Variants in KRTAP4-11 observed in about 807,000 individuals in gnomAD.
KRTAP4-11 encodes keratin-associated protein 4-11.
A neutral mutation model predicts 3.4 loss-of-function variants in KRTAP4-11; 3 were observed. The observed-to-expected ratio is 0.87, with a 90% CI of 0.40 to 2.26. The LOEUF (loss-of-function observed/expected upper bound fraction) is 2.26. Among genes scored for constraint, KRTAP4-11 ranks in the 30% most tolerant of loss-of-function variants. The probability of loss-of-function intolerance (pLI) is 0.05; values close to 1 mark genes in which losing one functional copy is unlikely to be tolerated. For synonymous variants in KRTAP4-11, 94 were observed against 89.4 expected (o/e 1.05, Z -0.29); for missense variants, 248 against 258.8 (o/e 0.96, Z 0.29).
Position 41,117,430 on chromosome 17 carries a change from C to A in KRTAP4-11, c.*298G>T. 1 of 544,438 alleles carries A rather than the reference C, an allele frequency of 1.8e-6. No individual in the cohort carries two copies. The highest frequency in any genetic ancestry group is 3.0e-5 in the South Asian group (1 of 33,812). 33.7% of individuals were successfully genotyped at this position (544,438 alleles called of 1,614,324 possible). On this transcript the variant is annotated 3_prime_UTR_variant, in exon 1 of 1. Transcript: ENST00000391413. ...CACTGGGAAGGATATTCTGTAGGCT[C>A]AAAACGATTTAAAAAATGAGGAATT...
rs563123601 is a variant in KRTAP4-11, at chr17:41,118,325, G to T, written c.-10C>A. 1.3e-6 allele frequency: 2 copies of T among 1,588,022 alleles called. No homozygotes were observed. The highest frequency in any genetic ancestry group is 1.7e-6 in the Non-Finnish European group (2 of 1,166,108). ...AACAGGAGTTTACCATGGTGTCAGA[G>T]GGTGAAGGATCTAGTTGGGTTTCTA... On this transcript the variant is annotated 5_prime_UTR_variant, in exon 1 of 1. Transcript: ENST00000391413.
Position 41,117,846 on chromosome 17 carries a change from G to T in KRTAP4-11, c.470C>A (p.Pro157His), listed in dbSNP as rs1432863207. Reference protein sequence around the residue: ...PSCCESSCCRPCCCLRPVCGR... With the variant: ...PSCCESSCCRHCCCLRPVCGR... ...ACAGACTGGACGCAGGCAGCAGCAG[G>T]GGCGGCAGCAGCTGGATTCACAGCA... The change falls in exon 1 of 1, where the codon CCC becomes CAC. Residue 157 changes from proline to histidine, a missense_variant. Pro to His is a moderately conservative substitution (Grantham distance 77). Around this residue, in one of 3 missense-constraint regions of KRTAP4-11, gnomAD observed 131 missense variants for 130.2 expected, o/e 1.01. Coordinates refer to ENST00000391413, the MANE Select transcript of KRTAP4-11 (RefSeq NM_033059.4). 2 of 1,603,852 alleles carry T rather than the reference G, an allele frequency of 1.2e-6. No homozygotes were observed. The highest frequency in any genetic ancestry group is 1.7e-6 in the Non-Finnish European group (2 of 1,173,472).
In KRTAP4-11 at chr17:41,117,858, C is replaced by T. The variant is rs745488064; in HGVS notation, c.458G>A (p.Ser153Asn). ...SCCRPSCCESSCCRPCCCLRP... is the reference protein window; with the variant it reads ...SCCRPSCCESNCCRPCCCLRP... ...CAGGCAGCAGCAGGGGCGGCAGCAGCTGGATTCACAGCAAGAGGGGCGGCA... is the reference window on the plus strand; with the variant it reads ...CAGGCAGCAGCAGGGGCGGCAGCAGTTGGATTCACAGCAAGAGGGGCGGCA... The change falls in exon 1 of 1, where the codon AGC (serine) becomes AAC (asparagine). Residue 153 changes from serine to asparagine, a missense_variant. This residue lies in a region of KRTAP4-11 where 131 missense variants were observed against 130.2 expected (regional missense o/e 1.01). Transcript: ENST00000391413. The T allele has an allele frequency of 6.2e-7, 1 of 1,608,842 alleles. No individual in the cohort carries two copies. Among genetic ancestry groups the T allele is most frequent in the Admixed American group, 1.7e-5 (1 of 59,050 alleles).
rs141425589 is a variant in KRTAP4-11 at position 41,117,238 on chromosome 17, C to T, written c.*490G>A. 0.07 allele frequency: 11,483 copies of T among 164,224 alleles called. 941 individuals carry two copies. Among genetic ancestry groups the T allele is most frequent in the African/African-American group, 0.17 (7,069 of 41,422 alleles). The allele number at this position is 164,224 out of a possible 1,614,324, so 10.2% of individuals were successfully genotyped here. A position where few individuals can be genotyped will look rare whatever the true frequency, so the allele number is the denominator to read the frequency against. Reference sequence around the variant, plus strand: ...TGTGAACACAATAAAGATAAAGAACCAATAAAATAGAAAAATTCTGGCAAA... The same window carrying T: ...TGTGAACACAATAAAGATAAAGAACTAATAAAATAGAAAAATTCTGGCAAA... On this transcript the variant is annotated 3_prime_UTR_variant, in exon 1 of 1. Transcript: ENST00000391413.
Position 41,118,165 on chromosome 17 carries a change from T to C in KRTAP4-11, c.151A>G (p.Arg51Gly). 1 of 1,610,670 alleles carries C rather than the reference T, an allele frequency of 6.2e-7. No homozygotes were observed. The highest frequency in any genetic ancestry group is 8.5e-7 in the Non-Finnish European group (1 of 1,178,082). The change falls in exon 1 of 1, where the codon AGG becomes GGG. Residue 51 changes from arginine to glycine, a missense_variant. Coordinates refer to ENST00000391413, the MANE Select transcript of KRTAP4-11 (RefSeq NM_033059.4). Reference sequence around the variant, plus strand: ...CACACAGACTGGCAGCACTGGGGCCTGCAGCAGCTGGACACACAGCAGCTG... The same window carrying C: ...CACACAGACTGGCAGCACTGGGGCCCGCAGCAGCTGGACACACAGCAGCTG... ...RPSCCVSSCCRPQCCQSVCCQ... is the reference protein window; with the variant it reads ...RPSCCVSSCCGPQCCQSVCCQ...
Position 41,118,026 on chromosome 17 carries a change from G to A in KRTAP4-11, c.290C>T (p.Pro97Leu). 1.3e-6 allele frequency: 2 copies of A among 1,481,710 alleles called. No homozygotes were observed. The highest frequency in any genetic ancestry group is 1.4e-5 in the South Asian group (1 of 71,528). The allele number at this position is 1,481,710 out of a possible 1,614,324, so 91.8% of individuals were successfully genotyped here. Reference sequence around the variant, plus strand: ...GCAGCATCTGGGGCGGCAGCAAGTGGGCTGGCAGCACATAGACTGGCAGCA... The same window carrying A: ...GCAGCATCTGGGGCGGCAGCAAGTGAGCTGGCAGCACATAGACTGGCAGCA... ...PQCCQSMCCQ[P>L]TCCRPRCCIS... Residue 97 changes from proline to leucine, a missense_variant, in exon 1 of 1, where the codon CCC (proline) becomes CTC (leucine). Transcript: ENST00000391413.
In KRTAP4-11 at chr17:41,117,688, G is replaced by T; in HGVS notation, c.*40C>A. On this transcript the variant is annotated 3_prime_UTR_variant, in exon 1 of 1. Transcript: ENST00000391413. ...GCACAGAAGAATGGTCTACAACTGT[G>T]GGCCTGCAGTGAAGGGAGAGATGAG... is the stretch of plus-strand genomic sequence containing the variant. The T allele has an allele frequency of 6.5e-7, 1 of 1,543,964 alleles. No individual in the cohort carries two copies. The highest frequency in any genetic ancestry group is 2.4e-5 in the East Asian group (1 of 41,218).
Position 41,118,218 on chromosome 17 carries a change from G to A in KRTAP4-11, c.98C>T (p.Thr33Ile), listed in dbSNP as rs770367509. The A allele has an allele frequency of 1.2e-6, 2 of 1,609,262 alleles. No individual in the cohort carries two copies. The highest frequency in any genetic ancestry group is 8.5e-7 in the Non-Finnish European group (1 of 1,177,304). Residue 33 changes from threonine to isoleucine, a missense_variant, in exon 1 of 1, where the codon ACC becomes ATC. This residue lies in a region of KRTAP4-11 where 110 missense variants were observed against 102.8 expected (regional missense o/e 1.07). Transcript: ENST00000391413. ...TCCRPSCCET[T>I]CCRTTYCRPS... is the part of the protein sequence containing the mutation. ...GCGACAGTAGGTGGTCCTGCAGCAGGTGGTCTCACAGCAGCTGGGGCGGCA... is the reference window on the plus strand; with the variant it reads ...GCGACAGTAGGTGGTCCTGCAGCAGATGGTCTCACAGCAGCTGGGGCGGCA...
rs751519554 is a variant in KRTAP4-11, at chr17:41,118,103, G to T, written c.213C>A (p.Ile71=). 8 of 1,583,980 alleles carry T rather than the reference G, an allele frequency of 5.1e-6. No individual in the cohort carries two copies. The East Asian group carries it at 1.4e-4, about 27-fold the overall frequency. ...QPTCCRPRCC[I]SSCCRPSCCV... Reference sequence around the variant, plus strand: ...AGCAGCTGGGGCGACAGCAGCTGGAGATGCAGCATCTGGGGCGGCAGCAGG... The same window carrying T: ...AGCAGCTGGGGCGACAGCAGCTGGATATGCAGCATCTGGGGCGGCAGCAGG... Residue 71 remains isoleucine, a synonymous_variant, in exon 1 of 1, where the codon ATC becomes ATA. Transcript: ENST00000391413.
Position 41,117,950 on chromosome 17 carries a change from G to A in KRTAP4-11, c.366C>T (p.Pro122=). The A allele has an allele frequency of 6.5e-7, 1 of 1,532,962 alleles. No individual in the cohort carries two copies. The highest frequency in any genetic ancestry group is 1.3e-5 in the South Asian group (1 of 79,820). 95.0% of individuals were successfully genotyped at this position (1,532,962 alleles called of 1,614,324 possible). A position where few individuals can be genotyped will look rare whatever the true frequency, so the allele number is the denominator to read the frequency against. ...PSCCVSSCCR[P]QCCQSVCCQP... ...GGCAGCACACAGACTGGCAGCACTG[G>A]GGTCTGCAGCAGCTGGACACACAGC... The change falls in exon 1 of 1, where the codon CCC becomes CCT. Residue 122 remains proline, a synonymous_variant. Transcript: ENST00000391413.
At position 41,117,883 on chromosome 17, in the gene KRTAP4-11, AGCAGCTGGAGATGCT is replaced by A. The variant is rs764132900; in HGVS notation, c.418_432del (p.Ser140_Cys144del). On this transcript the variant is annotated inframe_deletion, in exon 1 of 1. Transcript: ENST00000391413. ...CTGGATTCACAGCAAGAGGGGCGGC[AGCAGCTGGAGATGCT>A]GCAGCTGGGGTGGCAGCAGGTGGGC... is the stretch of plus-strand genomic sequence containing the variant. 2.8e-5 allele frequency: 45 copies of A among 1,606,022 alleles called. 1 individual carries two copies. The Admixed American group carries it at 2.9e-4, about 10-fold the overall frequency.
At position 41,117,543 on chromosome 17, in the gene KRTAP4-11, G is replaced by A. The variant is rs145650286; in HGVS notation, c.*185C>T. 0.028 allele frequency: 26,897 copies of A among 957,282 alleles called. 1,161 individuals are homozygous for A. The highest frequency in any genetic ancestry group is 0.17 in the East Asian group (6,377 of 37,120). The allele number at this position is 957,282 out of a possible 1,614,324, so 59.3% of individuals were successfully genotyped here. A position where few individuals can be genotyped will look rare whatever the true frequency, so the allele number is the denominator to read the frequency against. On this transcript the variant is annotated 3_prime_UTR_variant, in exon 1 of 1. Coordinates refer to ENST00000391413, the MANE Select transcript of KRTAP4-11 (RefSeq NM_033059.4). ...CTGGAAGAGAAAGAAAGCAAGGGAG[G>A]GAGTTTAAAATGAACCAGAATGTTC...
At position 41,117,463 on chromosome 17, in the gene KRTAP4-11, T is replaced by C. The variant is rs1343302499; in HGVS notation, c.*265A>G. 5 of 608,744 alleles carry C rather than the reference T, an allele frequency of 8.2e-6. No individual in the cohort carries two copies. Among genetic ancestry groups the C allele is most frequent in the South Asian group, 5.3e-5 (2 of 37,514 alleles). 37.7% of individuals were successfully genotyped at this position (608,744 alleles called of 1,614,324 possible). On this transcript the variant is annotated 3_prime_UTR_variant, in exon 1 of 1. Transcript: ENST00000391413. The stretch of plus-strand genomic sequence containing the variant: ...TTTAAAAAATGAGGAATTTAGAGGA[T>C]TGGAATAATTTCTTAGCTAGTGGAT...
Position 41,118,070 on chromosome 17 carries a change from G to A in KRTAP4-11, c.246C>T (p.Ser82=). The A allele has an allele frequency of 6.3e-7, 1 of 1,578,944 alleles. No individual in the cohort carries two copies. Among genetic ancestry groups the A allele is most frequent in the South Asian group, 1.2e-5 (1 of 84,982 alleles). ...GGCAGCACTGGGGCTTGCAGCAGCT[G>A]GACACACAGCAGCTGGGGCGACAGC... ...SSCCRPSCCV[S]SCCKPQCCQS... is the part of the protein sequence containing the mutation. The change falls in exon 1 of 1, where the codon TCC becomes TCT. Residue 82 remains serine (S), a synonymous_variant. Coordinates refer to ENST00000391413, the MANE Select transcript of KRTAP4-11 (RefSeq NM_033059.4).
chr17:41,117,944 G>A lies in KRTAP4-11; in HGVS notation c.372C>T (p.Cys124=). The change falls in exon 1 of 1, where the codon TGC becomes TGT. Residue 124 remains cysteine, a synonymous_variant. Coordinates refer to ENST00000391413, the MANE Select transcript of KRTAP4-11 (RefSeq NM_033059.4). ...TGGGCTGGCAGCACACAGACTGGCA[G>A]CACTGGGGTCTGCAGCAGCTGGACA... The part of the protein sequence containing the change: ...CCVSSCCRPQ[C]CQSVCCQPTC... 1.3e-6 allele frequency: 2 copies of A among 1,556,568 alleles called. No individual in the cohort carries two copies. The highest frequency in any genetic ancestry group is 1.7e-6 in the Non-Finnish European group (2 of 1,146,908).
rs772799383 is a variant in KRTAP4-11 at position 41,117,760 on chromosome 17, G to A, written c.556C>T (p.Arg186Cys). The stretch of plus-strand genomic sequence containing the variant: ...CAAGAGGAGGCACAGCACAAGGGGC[G>A]GGGGCAGCTGGAGATGACACAGGTT... ...RPTCVISSCP[R>C]PLCCASSCC is the part of the protein sequence containing the mutation. Residue 186 changes from arginine to cysteine, a missense_variant, in exon 1 of 1, where the codon CGC becomes TGC. Arg to Cys is a radical substitution (Grantham distance 180). Transcript: ENST00000391413. 38 of 1,588,982 alleles carry A rather than the reference G, an allele frequency of 2.4e-5. No individual in the cohort carries two copies. The highest frequency in any genetic ancestry group is 4.0e-5 in the African/African-American group (3 of 74,190).
chr17:41,118,214 G>C lies in KRTAP4-11; in HGVS notation c.102C>G (p.Cys34Trp), dbSNP rs747179721. Residue 34 changes from cysteine (C) to tryptophan (W), a missense_variant, in exon 1 of 1, where the codon TGC becomes TGG. Cys to Trp is a radical substitution (Grantham distance 215). This residue lies in a region of KRTAP4-11 where 110 missense variants were observed against 102.8 expected (regional missense o/e 1.07). Coordinates refer to ENST00000391413, the MANE Select transcript of KRTAP4-11 (RefSeq NM_033059.4). ...TGGGGCGACAGTAGGTGGTCCTGCA[G>C]CAGGTGGTCTCACAGCAGCTGGGGC... The part of the protein sequence containing the change: ...CCRPSCCETT[C>W]CRTTYCRPSC... 1 of 1,609,804 alleles carries C rather than the reference G, an allele frequency of 6.2e-7. No homozygotes were observed.
chr17:41,117,638 C>T lies in KRTAP4-11; in HGVS notation c.*90G>A, dbSNP rs1567975323. ...GTCCACCCTGCTGAATGACATCAAT[C>T]CCACTCCATGTGTCCTAATAGTCAG... On this transcript the variant is annotated 3_prime_UTR_variant, in exon 1 of 1. Transcript: ENST00000391413. The T allele has an allele frequency of 2.7e-6, 4 of 1,485,184 alleles. No homozygotes were observed. Among genetic ancestry groups the T allele is most frequent in the Non-Finnish European group, 1.8e-6 (2 of 1,111,074 alleles). 92.0% of individuals were successfully genotyped at this position (1,485,184 alleles called of 1,614,324 possible).
rs1428343861 is a variant in KRTAP4-11, at chr17:41,117,900, C to T, written c.416G>A (p.Cys139Tyr). The T allele has an allele frequency of 3.1e-6, 5 of 1,606,456 alleles. No individual in the cohort carries two copies. The highest frequency in any genetic ancestry group is 4.5e-5 in the East Asian group (2 of 44,676). Residue 139 changes from cysteine (C) to tyrosine (Y), a missense_variant, in exon 1 of 1, where the codon TGC (cysteine) becomes TAC (tyrosine). Cys to Tyr is a radical substitution (Grantham distance 194). Transcript: ENST00000391413. ...CCQPTCCHPS[C>Y]SISSCCRPSC... is the part of the protein sequence containing the mutation. ...GGGGCGGCAGCAGCTGGAGATGCTG[C>T]AGCTGGGGTGGCAGCAGGTGGGCTG...
Sources: gnomAD v4.1 joint callset for allele counts on GRCh38, gnomAD v4.1.1 for gene constraint, gnomAD v4.1.1 regional missense constraint, MANE v1.5 for transcripts, NCBI Gene and HGNC (gene_info 2026-07-23, HGNC 2026-07-21) for gene names.